CLIP4: variants seen among roughly 807,000 people sequenced by gnomAD.
The protein encoded by CLIP4 is CAP-Gly domain containing linker protein family member 4.
CLIP4 carries 47 observed loss-of-function variants against 73.1 expected under a neutral mutation model. That is an observed-to-expected ratio of 0.64 (90% CI 0.51 to 0.82). CLIP4 has a LOEUF of 0.82. CLIP4 is among the 40% of genes least tolerant of loss of function. The pLI is 0.00. For synonymous variants in CLIP4, 306 were observed against 295.4 expected (o/e 1.04, Z -0.37); for missense variants, 874 against 852.9 (o/e 1.02, Z -0.31).
chr2:29,158,905 G>A (rs966968730), intron 11 of CLIP4, among the ~76,000 whole-genome samples: 4 of 152,298 alleles, frequency 2.6e-5, no homozygotes, highest in African/African-American at 7.2e-5. Context: ...AAAGTGCTGG[G>A]ATTTACAGGC....
In CLIP4 at chr2:29,153,313, C is replaced by T. The variant is rs115284229; in HGVS notation, c.1165+485C>T. Among the ~76,000 whole-genome samples the T allele has an allele frequency of 4.8e-3, 738 of 152,192 alleles. 4 individuals are homozygous for T. Among genetic ancestry groups the T allele is most frequent in the African/African-American group, 0.016 (663 of 41,524 alleles). On this transcript the variant is annotated intron_variant, in intron 9 of 15. Transcript: ENST00000320081. The stretch of plus-strand genomic sequence containing the variant: ...AGTTCTATGGAAGAGAACGGTTTAT[C>T]GTATCTCTTCCCCATCTTTTACGTA...
chr2:29,119,268 T>A (rs1217176364), intron 1 of CLIP4, among the ~76,000 whole-genome samples: 2 of 152,204 alleles, frequency 1.3e-5, no homozygotes, highest in African/African-American at 4.8e-5. Flanking sequence ...GAATATTAGT[T>A]AAATATGTGT....
At chr2:29,128,525 T>A (rs534936145) in intron 2 of CLIP4, among the ~76,000 whole-genome samples, 1 of 152,230 alleles carries the variant, frequency 6.6e-6, no homozygotes, top group East Asian at 1.9e-4. Context: ...GAAATTATCT[T>A]GACAAAATAC....
In CLIP4 at chr2:29,152,802, C is replaced by T; in HGVS notation, c.1139C>T (p.Ala380Val). The T allele has an allele frequency of 6.2e-7, 1 of 1,613,618 alleles. No homozygotes were observed. Among genetic ancestry groups the T allele is most frequent in the South Asian group, 1.1e-5 (1 of 91,012 alleles). The change falls in exon 9 of 16, where the codon GCT becomes GTT. Residue 380 changes from alanine (A) to valine (V), a missense_variant. By Grantham distance (64) the Ala-to-Val change is moderately conservative. Transcript: ENST00000320081. ...ATCAGGTCCCAGAAAATTGACGTAGCTCATGTGACGTCAAAAGTAAATACT... is the reference window on the plus strand; with the variant it reads ...ATCAGGTCCCAGAAAATTGACGTAGTTCATGTGACGTCAAAAGTAAATACT... ...PLIRSQKIDV[A>V]HVTSKVNTGL...
intron 2 of CLIP4, among the ~76,000 whole-genome samples, chr2:29,122,031 C>T (rs1291318540): frequency 6.6e-6 from 1 of 152,044 alleles, no homozygotes; most frequent in Non-Finnish European, 1.5e-5. Context: ...TAAAAGGGAA[C>T]CAGGAGATAA....
chr2:29,112,937 G>C (rs1301977288), upstream of CLIP4, among the ~76,000 whole-genome samples: 1 of 152,228 alleles, frequency 6.6e-6, no homozygotes, highest in Non-Finnish European at 1.5e-5. Flanking sequence ...GGGGTCCTGA[G>C]AGCTGCTGAC....
intron 2 of CLIP4, among the ~76,000 whole-genome samples, chr2:29,122,842 A>G (rs886233151): frequency 5.3e-5 from 8 of 151,428 alleles, no homozygotes; most frequent in Non-Finnish European, 8.8e-5. Context: ...AAAAAAAAAA[A>G]AAAAAAAAGC....
Position 29,143,859 on chromosome 2 carries a change from C to T in CLIP4, c.799C>T (p.Pro267Ser). ...LSCNISKAML[P>S]NYDHVTGKAM... ...ATGTAACATCTCAAAGGCCATGCTC[C>T]CAAATTATGATCATGTCACTGGCAA... The change falls in exon 7 of 16, where the codon CCA becomes TCA. Residue 267 changes from proline (P) to serine (S), a missense_variant. Coordinates refer to ENST00000320081, the MANE Select transcript of CLIP4 (RefSeq NM_024692.6). 1 of 1,614,148 alleles carries T rather than the reference C, an allele frequency of 6.2e-7. No individual in the cohort carries two copies. The highest frequency in any genetic ancestry group is 8.5e-7 in the Non-Finnish European group (1 of 1,180,022).
At chr2:29,149,947 G>A (rs1243535847) in intron 8 of CLIP4, among the ~76,000 whole-genome samples, 2 of 152,088 alleles carry the variant, frequency 1.3e-5, no homozygotes, top group Non-Finnish European at 2.9e-5. Context: ...AGCCAAAGTT[G>A]CCTTCATATT....
rs189637796 is a variant in CLIP4 at position 29,130,673 on chromosome 2, T to C, written c.134-585T>C. ...CGAATGTTATCACATTTCAGTTCAA[T>C]CTTTCTGATTCTCTTCTGATGGACT... On this transcript the variant is annotated intron_variant, in intron 2 of 15. Coordinates refer to ENST00000320081, the MANE Select transcript of CLIP4 (RefSeq NM_024692.6). 127 of 1,127,552 alleles carry C rather than the reference T, an allele frequency of 1.1e-4. No individual in the cohort carries two copies. In the African/African-American group the frequency reaches 2.0e-3, roughly 17 times the overall value. The allele number at this position is 1,127,552 out of a possible 1,614,324, so 69.8% of individuals were successfully genotyped here. A position where few individuals can be genotyped will look rare whatever the true frequency, so the allele number is the denominator to read the frequency against.
Position 29,181,601 on chromosome 2 carries a change from G to C in CLIP4, c.1826G>C (p.Ser609Thr). Residue 609 changes from serine to threonine, a missense_variant, in exon 16 of 16, where the codon AGC becomes ACC. Coordinates refer to ENST00000320081, the MANE Select transcript of CLIP4 (RefSeq NM_024692.6). ...KSKAALRRSW[S>T]STPTAGGIEG... ...AAAGCTGCTTTGCGTCGCAGTTGGAGCAGCACCCCCACCGCAGGTGGCATT... is the reference window on the plus strand; with the variant it reads ...AAAGCTGCTTTGCGTCGCAGTTGGACCAGCACCCCCACCGCAGGTGGCATT... The C allele has an allele frequency of 6.2e-7, 1 of 1,612,228 alleles. No individual in the cohort carries two copies.
chr2:29,135,674 G>T lies in CLIP4; in HGVS notation c.648+8G>T, dbSNP rs1665301124. The T allele has an allele frequency of 6.4e-7, 1 of 1,560,774 alleles. No homozygotes were observed. Among genetic ancestry groups the T allele is most frequent in the East Asian group, 2.3e-5 (1 of 44,064 alleles). On this transcript the variant is annotated splice_region_variant and intron_variant, in intron 6 of 15. Coordinates refer to ENST00000320081, the MANE Select transcript of CLIP4 (RefSeq NM_024692.6). ...GCAAATCCTGCATTTAGGGTAAGAG[G>T]TTAAATTAAAAGTGAAAAATATTAA...
chr2:29,174,352 A>G (rs761567883), intron 14 of CLIP4, 21 bp from the exon 15 acceptor site: 22 of 1,594,254 alleles, frequency 1.4e-5, no homozygotes, highest in Non-Finnish European at 1.9e-5. Context: ...TTCCTCTGCT[A>G]ACCCCAACTT....
At chr2:29,147,341 A>G (rs1666239353) in intron 8 of CLIP4, among the ~76,000 whole-genome samples, 1 of 152,084 alleles carries the variant, frequency 6.6e-6, no homozygotes, top group Non-Finnish European at 1.5e-5. Flanking sequence ...ATGAGTTTTA[A>G]AATACATACT....
At chr2:29,157,945 G>A (rs111462861) in intron 11 of CLIP4, among the ~76,000 whole-genome samples, 1,568 of 152,262 alleles carry the variant, frequency 0.01, 20 homozygotes, top group African/African-American at 0.035. Context: ...CGTTCTTCAT[G>A]AACCTCTTTA....
chr2:29,180,395 GT>G (rs918970476), intron 15 of CLIP4, among the ~76,000 whole-genome samples: 8 of 152,144 alleles, frequency 5.3e-5, no homozygotes, highest in African/African-American at 1.9e-4. Context: ...TCATTATCAG[GT>G]TGTGGTGGTG....
In CLIP4 at chr2:29,156,383, T is replaced by C. The variant is rs745646485; in HGVS notation, c.1195T>C (p.Ser399Pro). The C allele has an allele frequency of 2.5e-6, 4 of 1,585,058 alleles. No individual in the cohort carries two copies. In the Admixed American group the frequency reaches 8.0e-5, roughly 32 times the overall value. ...GLMTSKKDSASESTLSLPPGE... is the reference protein window; with the variant it reads ...GLMTSKKDSAPESTLSLPPGE... Reference sequence around the variant, plus strand: ...AATGACATCAAAAAAAGATAGTGCTTCTGAGTCAACACTTTCATTGCCTCC... The same window carrying C: ...AATGACATCAAAAAAAGATAGTGCTCCTGAGTCAACACTTTCATTGCCTCC... Residue 399 changes from serine (S) to proline (P), a missense_variant, in exon 10 of 16, where the codon TCT (serine) becomes CCT (proline). Physicochemically the swap from Ser to Pro is moderately conservative, Grantham distance 74. Coordinates refer to ENST00000320081, the MANE Select transcript of CLIP4 (RefSeq NM_024692.6).
At position 29,183,648 on chromosome 2, in the gene CLIP4, C is replaced by G. The variant is rs1291421150; in HGVS notation, c.*1755C>G. 3 of 152,570 alleles carry G rather than the reference C, an allele frequency of 2.0e-5. No homozygotes were observed. The highest frequency in any genetic ancestry group is 2.9e-5 in the Non-Finnish European group (2 of 68,014). The allele number at this position is 152,570 out of a possible 1,614,324, so 9.5% of individuals were successfully genotyped here. The stretch of plus-strand genomic sequence containing the variant: ...TTTTGAGGTCAAAGAACCAGTTGTT[C>G]TCTTTATATTTAGATGAGGATGATT... On this transcript the variant is annotated 3_prime_UTR_variant, in exon 16 of 16. Transcript: ENST00000320081.
At chr2:29,166,614 T>A (rs1156361412) in intron 13 of CLIP4, among the ~76,000 whole-genome samples, 1 of 152,028 alleles carries the variant, frequency 6.6e-6, no homozygotes, top group Non-Finnish European at 1.5e-5. Context: ...TTCTTACTAT[T>A]ATTAGGCACT....
Sources: allele counts gnomAD v4.1 joint callset (sites outside exome capture counted in the v4.1 genomes callset), GRCh38; gene constraint gnomAD v4.1.1; transcripts MANE v1.5; gene names NCBI Gene and HGNC (gene_info 2026-07-23, HGNC 2026-07-21).